Variants in TPD52L1 observed in about 807,000 individuals in gnomAD.
The protein encoded by TPD52L1 is TPD52 like 1.
A neutral mutation model predicts 28.7 loss-of-function variants in TPD52L1; 18 were observed. That is an observed-to-expected ratio of 0.63 (90% CI 0.43 to 0.93). The LOEUF is 0.93. TPD52L1 is among the 40% of genes least tolerant of loss of function. The pLI is 0.00. For synonymous variants in TPD52L1, 75 were observed against 88.8 expected (o/e 0.84, Z 0.88); for missense variants, 203 against 254.8 (o/e 0.80, Z 1.39).
At chr6:125,164,627 T>A (rs1413784138) in intron 1 of TPD52L1, among the ~76,000 whole-genome samples, 1 of 152,164 alleles carries the variant, frequency 6.6e-6, no homozygotes, top group Admixed American at 6.5e-5. Context: ...AAGAAAGCAT[T>A]TTATTGCCTC....
chr6:125,198,300 G>A (rs991595785), intron 1 of TPD52L1, among the ~76,000 whole-genome samples: 2 of 152,184 alleles, frequency 1.3e-5, no homozygotes. Flanking sequence ...CAGGCATCTT[G>A]TATAGTGTTG....
At chr6:125,155,946 G>C (rs1790089494) in intron 1 of TPD52L1, among the ~76,000 whole-genome samples, 1 of 152,164 alleles carries the variant, frequency 6.6e-6, no homozygotes, top group African/African-American at 2.4e-5. Flanking sequence ...TAAGTTCCTT[G>C]TTTACAGCCA....
chr6:125,202,513 A>G (rs1255064907), intron 1 of TPD52L1, among the ~76,000 whole-genome samples: 1 of 152,160 alleles, frequency 6.6e-6, no homozygotes, highest in African/African-American at 2.4e-5. Flanking sequence ...TCAGCTAACC[A>G]AAGAAATGAG....
intron 1 of TPD52L1, among the ~76,000 whole-genome samples, chr6:125,175,361 T>C (rs924003345): frequency 6.6e-6 from 1 of 152,194 alleles, no homozygotes; most frequent in Non-Finnish European, 1.5e-5. Flanking sequence ...AGTTTAAAAA[T>C]TTTATAAATT....
At chr6:125,243,540 C>T (rs892048504) in intron 3 of TPD52L1, among the ~76,000 whole-genome samples, 2 of 151,908 alleles carry the variant, frequency 1.3e-5, no homozygotes, top group African/African-American at 4.8e-5. Context: ...ATTTGAAAGC[C>T]TTGTCTTTGA....
intron 5 of TPD52L1, 75 bp from the exon 6 acceptor site, chr6:125,257,023 A>G: frequency 7.5e-7 from 1 of 1,327,910 alleles, no homozygotes; most frequent in Non-Finnish European, 1.0e-6. Context: ...TACAGATATG[A>G]GCAGAAAACC....
chr6:125,188,405 GA>G (rs1329437306), intron 1 of TPD52L1, among the ~76,000 whole-genome samples: 1 of 152,036 alleles, frequency 6.6e-6, no homozygotes. Flanking sequence ...TGAAAAGAGG[GA>G]ATAGATTGGT....
chr6:125,253,427 G>T (rs1031565143), intron 4 of TPD52L1: 12 of 444,362 alleles, frequency 2.7e-5, no homozygotes, highest in Non-Finnish European at 4.0e-5. Context: ...GGGCTACTGG[G>T]CTCACCTGGG....
intron 1 of TPD52L1, among the ~76,000 whole-genome samples, chr6:125,177,225 C>T (rs1791878703): frequency 6.6e-6 from 1 of 152,140 alleles, no homozygotes; most frequent in Non-Finnish European, 1.5e-5. Context: ...ATCTTCCAAA[C>T]CCGTTTTCTA....
At chr6:125,176,312 T>G (rs1305739739) in intron 1 of TPD52L1, among the ~76,000 whole-genome samples, 2 of 152,212 alleles carry the variant, frequency 1.3e-5, no homozygotes, top group Admixed American at 1.3e-4. Flanking sequence ...TTGCAAGTAG[T>G]CACTGAACTC....
intron 1 of TPD52L1, among the ~76,000 whole-genome samples, chr6:125,202,766 C>CTTTTTTTTTTTT (rs55761249): frequency 3.4e-5 from 4 of 116,424 alleles, no homozygotes; most frequent in African/African-American, 7.2e-5. Context: ...GGAGGTTTAT[C>CTTTTTTTTTTTT]TTTTTTTTTT....
chr6:125,262,800 A>G (rs765613135), intron 6 of TPD52L1, 34 bp from the exon 7 acceptor site: 3 of 1,578,606 alleles, frequency 1.9e-6, no homozygotes, highest in Non-Finnish European at 2.6e-6. Context: ...GATAGTAACA[A>G]CTAACTGCAT....
intron 1 of TPD52L1, among the ~76,000 whole-genome samples, chr6:125,191,635 AG>A: frequency 6.6e-6 from 1 of 152,204 alleles, no homozygotes; most frequent in East Asian, 1.9e-4. Context: ...ATAGAGAAAC[AG>A]GGTGCAGACA....
intron 1 of TPD52L1, chr6:125,203,750 C>T: frequency 1.0e-6 from 1 of 985,456 alleles, no homozygotes; most frequent in Non-Finnish European, 1.2e-6. Context: ...TGAAGTTCTA[C>T]ACAGACCCTG....
intron 1 of TPD52L1, among the ~76,000 whole-genome samples, chr6:125,215,516 G>A (rs1011440396): frequency 6.6e-6 from 1 of 152,178 alleles, no homozygotes; most frequent in Non-Finnish European, 1.5e-5. Flanking sequence ...GATGAGGAGA[G>A]CTTAAACCTA....
chr6:125,174,955 T>C (rs572279719), intron 1 of TPD52L1, among the ~76,000 whole-genome samples: 56 of 152,306 alleles, frequency 3.7e-4, no homozygotes, highest in African/African-American at 1.3e-3. Context: ...CCATTTTAGG[T>C]ATTTCAAAAA....
At chr6:125,158,694 G>A (rs891985892) in intron 1 of TPD52L1, among the ~76,000 whole-genome samples, 41 of 152,114 alleles carry the variant, frequency 2.7e-4, no homozygotes, top group African/African-American at 9.9e-4. Flanking sequence ...ATGGCATTTT[G>A]TTATAAAATG....
intron 1 of TPD52L1, among the ~76,000 whole-genome samples, chr6:125,194,286 C>T (rs971662780): frequency 6.6e-6 from 1 of 152,162 alleles, no homozygotes; most frequent in African/African-American, 2.4e-5. Flanking sequence ...ACTCTACAGT[C>T]TCAGCATTAC....
chr6:125,168,438 G>GA (rs1036857142), intron 1 of TPD52L1, among the ~76,000 whole-genome samples: 55 of 151,882 alleles, frequency 3.6e-4, no homozygotes, highest in African/African-American at 1.3e-3. Context: ...CCTCAAGGGG[G>GA]ATCCTCTCTT....
Sources: gnomAD v4.1 joint callset for allele counts (sites outside exome capture counted in the v4.1 genomes callset) on GRCh38, gnomAD v4.1.1 for gene constraint, MANE v1.5 for transcripts, NCBI Gene and HGNC (gene_info 2026-07-23, HGNC 2026-07-21) for gene names.